The following TAC3 variants were observed in gnomAD, a reference collection of about 807,000 sequenced individuals.
The protein encoded by TAC3 is tachykinin precursor 3, also known as tachykinin-3.
A neutral mutation model predicts 16.5 loss-of-function variants in TAC3; 9 were observed. That is an observed-to-expected ratio of 0.55 (90% CI 0.33 to 0.95). TAC3 has a LOEUF of 0.95. Among genes scored for constraint, TAC3 ranks in the 40% least tolerant of loss-of-function variants. The pLI is 0.03. For synonymous variants in TAC3, 52 were observed against 56.7 expected, an observed-to-expected ratio of 0.92 and a Z score of 0.37; for missense variants, 129 against 149.1, an observed-to-expected ratio of 0.87 and a Z score of 0.70.
At chr12:57,013,136 C>T in intron 4 of TAC3, 2 of 722,574 alleles carry the variant, frequency 2.8e-6, no homozygotes, top group Non-Finnish European at 4.7e-6. Flanking sequence ...CCCTTGTTTT[C>T]CAAGGACCAG....
At position 57,010,120 on chromosome 12, in the gene TAC3, A is replaced by T. The variant is rs1450735810; in HGVS notation, c.*170T>A. 4 of 454,082 alleles carry T rather than the reference A, an allele frequency of 8.8e-6. No individual in the cohort carries two copies. Among genetic ancestry groups the T allele is most frequent in the South Asian group, 6.2e-5 (4 of 64,480 alleles). The allele number at this position is 454,082 out of a possible 1,614,324, so 28.1% of individuals were successfully genotyped here. A position where few individuals can be genotyped will look rare whatever the true frequency, so the allele number is the denominator to read the frequency against. ...ATGCCCATTGGGGTTGGGGATATTC[A>T]CTATGCAGTTTCCACACCAGGGTCA... is the stretch of plus-strand genomic sequence containing the variant. On this transcript the variant is annotated 3_prime_UTR_variant, in exon 7 of 7. Transcript: ENST00000458521.
intron 5 of TAC3, 142 bp downstream of exon 5, chr12:57,012,680 T>C: frequency 6.2e-7 from 1 of 1,612,932 alleles, no homozygotes; most frequent in Non-Finnish European, 8.5e-7. Flanking sequence ...TCCAAGCTGA[T>C]TGGGATGAAG....
At chr12:57,014,154 GTCT>G (rs1434546443) in intron 2 of TAC3, among the ~76,000 whole-genome samples, 2 of 151,896 alleles carry the variant, frequency 1.3e-5, no homozygotes, top group East Asian at 1.9e-4. Flanking sequence ...CAGAAGGCAC[GTCT>G]TCTTCTCTCC....
Position 57,016,302 on chromosome 12 carries a change from T to C in TAC3, c.-6+85A>G, listed in dbSNP as rs1006598796. ...AGTCCCCTGCTCCCCTATCAGAGGC[T>C]GCCATCTGCTTTATTCCCTCCTGAC... On this transcript the variant is annotated intron_variant, in intron 1 of 6. Transcript: ENST00000458521. The C allele has an allele frequency of 1.1e-5, 4 of 366,648 alleles. No individual in the cohort carries two copies. In the East Asian group the frequency reaches 2.2e-4, roughly 20 times the overall value. 22.7% of individuals were successfully genotyped at this position (366,648 alleles called of 1,614,324 possible).
Position 57,010,079 on chromosome 12 carries a change from G to C in TAC3, c.*211C>G, listed in dbSNP as rs1411413791. On this transcript the variant is annotated 3_prime_UTR_variant, in exon 7 of 7. Transcript: ENST00000458521. ...AATGTAGGACACTACAGGAACTCTAGGGTATTCTACAGTCAATGCCCATTG... is the reference window on the plus strand; with the variant it reads ...AATGTAGGACACTACAGGAACTCTACGGTATTCTACAGTCAATGCCCATTG... 2 of 453,980 alleles carry C rather than the reference G, an allele frequency of 4.4e-6. No homozygotes were observed. Among genetic ancestry groups the C allele is most frequent in the Non-Finnish European group, 8.8e-6 (2 of 226,726 alleles). 28.1% of individuals were successfully genotyped at this position (453,980 alleles called of 1,614,324 possible).
rs1378283218 is a variant in TAC3, at chr12:57,016,463, C to T, written c.-82G>A. 1 of 454,540 alleles carries T rather than the reference C, an allele frequency of 2.2e-6. No homozygotes were observed. Among genetic ancestry groups the T allele is most frequent in the South Asian group, 1.6e-5 (1 of 64,474 alleles). 28.2% of individuals were successfully genotyped at this position (454,540 alleles called of 1,614,324 possible). ...CTGGCTAGGACCGCTGCCTGCTCCC[C>T]TCACACACTGGTGCTGCCGGTGCTC... On this transcript the variant is annotated 5_prime_UTR_variant, in exon 1 of 7. Transcript: ENST00000458521.
intron 6 of TAC3, among the ~76,000 whole-genome samples, chr12:57,011,145 G>T (rs371226391): frequency 1.7e-4 from 26 of 152,304 alleles, no homozygotes; most frequent in African/African-American, 6.3e-4. Flanking sequence ...GCAAGTTACA[G>T]TTATTATAGC....
intron 5 of TAC3, 54 bp downstream of exon 5, chr12:57,012,768 G>C: frequency 6.2e-7 from 1 of 1,613,974 alleles, no homozygotes; most frequent in Non-Finnish European, 8.5e-7. Flanking sequence ...CGTGACTTCT[G>C]TCATACTCTG....
At position 57,016,428 on chromosome 12, in the gene TAC3, G is replaced by T; in HGVS notation, c.-47C>A. 1 of 454,222 alleles carries T rather than the reference G, an allele frequency of 2.2e-6. No homozygotes were observed. Among genetic ancestry groups the T allele is most frequent in the South Asian group, 1.6e-5 (1 of 64,460 alleles). 28.1% of individuals were successfully genotyped at this position (454,222 alleles called of 1,614,324 possible). Reference sequence around the variant, plus strand: ...TGCCGGGGGCTGGGTGGTCTGGCAGGATCAAGGAACTGGCTAGGACCGCTG... The same window carrying T: ...TGCCGGGGGCTGGGTGGTCTGGCAGTATCAAGGAACTGGCTAGGACCGCTG... On this transcript the variant is annotated 5_prime_UTR_variant, in exon 1 of 7. Transcript: ENST00000458521.
At position 57,012,414 on chromosome 12, in the gene TAC3, A is replaced by C; in HGVS notation, c.331T>G (p.Phe111Val). The part of the protein sequence containing the change: ...TDVNQENVPS[F>V]GILKYPPRAE ...CTCGGGGGATACTTGAGGATGCCAA[A>C]GCTGGGGACGTTCTCTTGATTCACA... Residue 111 changes from phenylalanine (F) to valine (V), a missense_variant, in exon 6 of 7, where the codon TTT (phenylalanine) becomes GTT (valine). By Grantham distance (50) the Phe-to-Val change is conservative. Transcript: ENST00000458521. 1 of 1,614,154 alleles carries C rather than the reference A, an allele frequency of 6.2e-7. No individual in the cohort carries two copies. The highest frequency in any genetic ancestry group is 8.5e-7 in the Non-Finnish European group (1 of 1,180,018).
In TAC3 at chr12:57,015,532, T is replaced by C. The variant is rs1234010719; in HGVS notation, c.114+152A>G. 5.8e-6 allele frequency: 4 copies of C among 689,836 alleles called. No homozygotes were observed. The East Asian group carries it at 1.1e-4, about 19-fold the overall frequency. The allele number at this position is 689,836 out of a possible 1,614,324, so 42.7% of individuals were successfully genotyped here. ...AACACACCTGGAGACAGTGGGAACA[T>C]GAAAGGACCAGAGAAACAAAGAAAT... On this transcript the variant is annotated intron_variant, in intron 2 of 6. Coordinates refer to ENST00000458521, the MANE Select transcript of TAC3 (RefSeq NM_013251.4).
At chr12:57,015,270 C>T (rs1244434384) in intron 2 of TAC3, among the ~76,000 whole-genome samples, 9 of 152,094 alleles carry the variant, frequency 5.9e-5, no homozygotes, top group African/African-American at 1.9e-4. Flanking sequence ...AAATAGCACA[C>T]AAATAACCAT....
chr12:57,014,783 C>A (rs1410350382), intron 2 of TAC3, among the ~76,000 whole-genome samples: 2 of 152,076 alleles, frequency 1.3e-5, no homozygotes, highest in African/African-American at 2.4e-5. Flanking sequence ...GTGATAACTC[C>A]CTTGGCCCAG....
chr12:57,011,470 GT>G (rs1956297393), intron 6 of TAC3, among the ~76,000 whole-genome samples: 1 of 152,170 alleles, frequency 6.6e-6, no homozygotes, highest in Non-Finnish European at 1.5e-5. Context: ...GAAGGTTCGT[GT>G]TTTGACTAGA....
chr12:57,013,809 A>C (rs1956337110), intron 2 of TAC3, 138 bp from the exon 3 acceptor site: 1 of 758,536 alleles, frequency 1.3e-6, no homozygotes. Context: ...TCTGGTTCAC[A>C]CTGGACGAGA....
chr12:57,014,443 C>T (rs1376584007), intron 2 of TAC3, among the ~76,000 whole-genome samples: 2 of 152,180 alleles, frequency 1.3e-5, no homozygotes, highest in African/African-American at 2.4e-5. Context: ...CACACCCCCA[C>T]ACATACCAAC....
chr12:57,016,382 C>T lies in TAC3; in HGVS notation c.-6+5G>A. 4.5e-6 allele frequency: 2 copies of T among 442,540 alleles called. No individual in the cohort carries two copies. Among genetic ancestry groups the T allele is most frequent in the South Asian group, 3.1e-5 (2 of 63,700 alleles). 27.4% of individuals were successfully genotyped at this position (442,540 alleles called of 1,614,324 possible). The stretch of plus-strand genomic sequence containing the variant: ...GGTCCATCCAGCATTCTCCCACTTG[C>T]CTACCTGTGGAGCAGCTCTGTGCCG... On this transcript the variant is annotated splice_donor_5th_base_variant and intron_variant, in intron 1 of 6. Transcript: ENST00000458521.
At chr12:57,015,050 A>G (rs1956353654) in intron 2 of TAC3, among the ~76,000 whole-genome samples, 1 of 152,122 alleles carries the variant, frequency 6.6e-6, no homozygotes, top group South Asian at 2.1e-4. Flanking sequence ...TCGTAAAGGA[A>G]CTGTGGAAAT....
At position 57,013,878 on chromosome 12, in the gene TAC3, T is replaced by C. The variant is rs149068591; in HGVS notation, c.115-207A>G. 1.5e-3 allele frequency among the ~76,000 whole-genome samples: 224 copies of C among 152,314 alleles called. 1 individual carries two copies. The highest frequency in any genetic ancestry group is 1.6e-3 in the Non-Finnish European group (111 of 68,028). On this transcript the variant is annotated intron_variant, in intron 2 of 6. Coordinates refer to ENST00000458521, the MANE Select transcript of TAC3 (RefSeq NM_013251.4). Reference sequence around the variant, plus strand: ...AGCAACACCAGCACTACACAGAGCCTGTTAGAAATGCAGACTCTTGTTCCT... The same window carrying C: ...AGCAACACCAGCACTACACAGAGCCCGTTAGAAATGCAGACTCTTGTTCCT...
Sources: gnomAD v4.1 joint callset for allele counts (sites outside exome capture counted in the v4.1 genomes callset) on GRCh38, gnomAD v4.1.1 for gene constraint, MANE v1.5 for transcripts, NCBI Gene and HGNC (gene_info 2026-07-23, HGNC 2026-07-21) for gene names.